Variants in STARD13 observed in about 807,000 individuals in gnomAD.
The protein encoded by STARD13 is stAR-related lipid transfer protein 13.
In STARD13, 62 loss-of-function variants were observed where a neutral mutation model predicts 106.4. The observed-to-expected ratio is 0.58, with a 90% CI of 0.48 to 0.72. The LOEUF (loss-of-function observed/expected upper bound fraction) is 0.72. STARD13 is among the 30% of genes least tolerant of loss of function. STARD13 has a pLI of 0.00. For missense variants in STARD13, 1,387 were observed against 1,424.0 expected (o/e 0.97, Z 0.42); for synonymous variants, 565 against 553.0 (o/e 1.02, Z -0.31).
chr13:33,182,449 C>T (rs1885332074), intron 1 of STARD13, among the ~76,000 whole-genome samples: 1 of 152,188 alleles, frequency 6.6e-6, no homozygotes, highest in South Asian at 2.1e-4. Context: ...TTCTTAAACT[C>T]CTACCCTCCT....
the STARD13 span, among the ~76,000 whole-genome samples, chr13:33,480,743 G>A: frequency 6.6e-6 from 1 of 152,068 alleles, no homozygotes; most frequent in East Asian, 1.9e-4. Flanking sequence ...TAGAAACAAT[G>A]ACTAGTGTAG....
the STARD13 span, among the ~76,000 whole-genome samples, chr13:33,454,611 G>A: frequency 6.6e-6 from 1 of 152,202 alleles, no homozygotes; most frequent in African/African-American, 2.4e-5. Context: ...TGAGGCTTCT[G>A]ATTCCCTATA....
chr13:33,360,180 C>T, the STARD13 span, among the ~76,000 whole-genome samples: 1 of 151,274 alleles, frequency 6.6e-6, no homozygotes, highest in African/African-American at 2.4e-5. Flanking sequence ...CCTCTTTCTT[C>T]AACAAAAATA....
At chr13:33,666,420 A>C in the STARD13 span, among the ~76,000 whole-genome samples, 1 of 151,886 alleles carries the variant, frequency 6.6e-6, no homozygotes, top group African/African-American at 2.4e-5. Flanking sequence ...CAGCCTCCCA[A>C]GTAGCTGGGA....
At chr13:33,555,143 G>A in the STARD13 span, among the ~76,000 whole-genome samples, 1 of 152,186 alleles carries the variant, frequency 6.6e-6, no homozygotes, top group Admixed American at 6.5e-5. Flanking sequence ...ATGTGTTTAA[G>A]GTCATATGTA....
At chr13:33,112,608 T>C in intron 9 of STARD13, 113 bp downstream of exon 9, 1 of 860,552 alleles carries the variant, frequency 1.2e-6, no homozygotes, top group Non-Finnish European at 1.8e-6. Context: ...CTATAATCTG[T>C]CTACCAATAT....
intron 3 of STARD13, among the ~76,000 whole-genome samples, chr13:33,159,992 T>C (rs1882432903): frequency 6.6e-6 from 1 of 152,120 alleles, no homozygotes; most frequent in African/African-American, 2.4e-5. Context: ...GTTTGTAAAA[T>C]GTATATGGAA....
the STARD13 span, among the ~76,000 whole-genome samples, chr13:33,545,041 T>A: frequency 6.6e-6 from 1 of 152,102 alleles, no homozygotes; most frequent in African/African-American, 2.4e-5. Flanking sequence ...TCACAACCTC[T>A]GCTCCCAGGT....
At chr13:33,462,844 A>AT in the STARD13 span, among the ~76,000 whole-genome samples, 2 of 152,130 alleles carry the variant, frequency 1.3e-5, no homozygotes, top group Non-Finnish European at 2.9e-5. Context: ...ACTGACTCAA[A>AT]TGTTAATCTC....
intron 1 of STARD13, among the ~76,000 whole-genome samples, chr13:33,240,065 T>C (rs182743698): frequency 3.0e-4 from 45 of 152,310 alleles, no homozygotes; most frequent in African/African-American, 9.4e-4. Flanking sequence ...GTTATTTTTA[T>C]ATGTGGCATA....
intron 1 of STARD13, among the ~76,000 whole-genome samples, chr13:33,340,628 G>A (rs966009155): frequency 1.3e-5 from 2 of 152,154 alleles, no homozygotes; most frequent in Admixed American, 1.3e-4. Context: ...AATATGCCAT[G>A]ATGCACTATA....
intron 1 of STARD13, among the ~76,000 whole-genome samples, chr13:33,175,326 A>G (rs1410569586): frequency 6.6e-6 from 1 of 152,190 alleles, no homozygotes; most frequent in East Asian, 1.9e-4. Context: ...GAGATTCTTC[A>G]AGATGGAGTC....
chr13:33,645,771 C>G, the STARD13 span, among the ~76,000 whole-genome samples: 24 of 152,176 alleles, frequency 1.6e-4, no homozygotes, highest in Middle Eastern at 3.4e-3. Context: ...GCTCTTGGGG[C>G]TGTTTGATTT....
At chr13:33,219,041 A>T (rs917605874) in intron 1 of STARD13, among the ~76,000 whole-genome samples, 6 of 152,232 alleles carry the variant, frequency 3.9e-5, no homozygotes, top group African/African-American at 1.4e-4. Flanking sequence ...AATTTTAAAA[A>T]TATAACAATC....
the STARD13 span, among the ~76,000 whole-genome samples, chr13:33,598,667 A>G: frequency 6.6e-6 from 1 of 152,266 alleles, no homozygotes; most frequent in Non-Finnish European, 1.5e-5. Context: ...GAGTGAAGAC[A>G]TCTTCATAAA....
the STARD13 span, among the ~76,000 whole-genome samples, chr13:33,501,243 G>C: frequency 6.6e-6 from 1 of 151,748 alleles, no homozygotes; most frequent in Non-Finnish European, 1.5e-5. Context: ...CACCAGACTA[G>C]CTTTTGTATT....
chr13:33,271,027 G>A (rs1267507964), intron 1 of STARD13, among the ~76,000 whole-genome samples: 1 of 152,184 alleles, frequency 6.6e-6, no homozygotes, highest in African/African-American at 2.4e-5. Context: ...GAGGAGGTCT[G>A]TTTATTATTT....
intron 1 of STARD13, among the ~76,000 whole-genome samples, chr13:33,208,885 A>G (rs1476570220): frequency 6.6e-6 from 1 of 152,232 alleles, no homozygotes; most frequent in Non-Finnish European, 1.5e-5. Flanking sequence ...TCATTGCAAA[A>G]GATTGCAAAT....
chr13:33,297,375 T>G (rs1456094837), intron 1 of STARD13, among the ~76,000 whole-genome samples: 1 of 152,220 alleles, frequency 6.6e-6, no homozygotes, highest in Non-Finnish European at 1.5e-5. Context: ...ACTTGCTATC[T>G]TTTGTAACAA....
Sources: gnomAD v4.1 joint callset for allele counts (sites outside exome capture counted in the v4.1 genomes callset) on GRCh38, gnomAD v4.1.1 for gene constraint, MANE v1.5 for transcripts, NCBI Gene and HGNC (gene_info 2026-07-23, HGNC 2026-07-21) for gene names.